The following RARB variants were observed in gnomAD, a reference collection of about 807,000 sequenced individuals.
The protein encoded by RARB is HBV-activated protein.
A neutral mutation model predicts 51.9 loss-of-function variants in RARB; 17 were observed. That is an observed-to-expected ratio of 0.33 (90% CI 0.22 to 0.49). The LOEUF is 0.49. Among genes scored for constraint, RARB ranks in the 20% least tolerant of loss-of-function variants. The pLI, the probability that RARB is intolerant of heterozygous loss-of-function variation, is 0.99. For missense variants in RARB, 369 were observed against 550.8 expected (o/e 0.67, Z 3.30); for synonymous variants, 215 against 195.4 (o/e 1.10, Z -0.84).
At chr3:25,222,359 C>T (rs933927845) in intron 5 of RARB, among the ~76,000 whole-genome samples, 2 of 152,116 alleles carry the variant, frequency 1.3e-5, no homozygotes, top group African/African-American at 2.4e-5. Context: ...TGTTCTTACT[C>T]GTCCAAGGAT....
intron 5 of RARB, among the ~76,000 whole-genome samples, chr3:25,199,259 C>T (rs1222352832): frequency 6.6e-6 from 1 of 151,302 alleles, no homozygotes; most frequent in African/African-American, 2.4e-5. Flanking sequence ...CAATTGAACT[C>T]ATGGAGAAAG....
intron 5 of RARB, among the ~76,000 whole-genome samples, chr3:25,266,938 C>G (rs1021307975): frequency 6.6e-6 from 1 of 152,162 alleles, no homozygotes; most frequent in African/African-American, 2.4e-5. Context: ...CCAGGCTATG[C>G]TATCTTGATG....
In RARB at chr3:25,499,423, G is replaced by C. The variant is rs571991953; in HGVS notation, c.307-1759G>C. Reference sequence around the variant, plus strand: ...GTTTTTCTTGGGCATTCAGAAGAGAGAAAAGGCAGCAGGTATACCCTTCAT... The same window carrying C: ...GTTTTTCTTGGGCATTCAGAAGAGACAAAAGGCAGCAGGTATACCCTTCAT... On this transcript the variant is annotated intron_variant, in intron 2 of 7. Transcript: ENST00000330688. Among the ~76,000 whole-genome samples, 4 of 152,296 alleles carry C rather than the reference G, an allele frequency of 2.6e-5. No homozygotes were observed. In the Middle Eastern group the frequency reaches 0.014, roughly 518 times the overall value.
At chr3:25,578,750 TAC>T (rs1480403951) in intron 4 of RARB, among the ~76,000 whole-genome samples, 3 of 152,244 alleles carry the variant, frequency 2.0e-5, no homozygotes, top group Non-Finnish European at 2.9e-5. Flanking sequence ...CCTTCGTTTT[TAC>T]AGTGTCTGTG....
intron 3 of RARB, among the ~76,000 whole-genome samples, chr3:25,517,494 C>A (rs1462051197): frequency 6.6e-6 from 1 of 152,132 alleles, no homozygotes; most frequent in Non-Finnish European, 1.5e-5. Flanking sequence ...CGAGCAATAA[C>A]AAATGTTAGG....
chr3:25,000,042 A>G (rs558609988), intron 2 of RARB, among the ~76,000 whole-genome samples: 15 of 152,258 alleles, frequency 9.9e-5, no homozygotes, highest in Middle Eastern at 3.4e-3. Flanking sequence ...AGGGTCACAT[A>G]CCAGTTCAGT....
At chr3:25,592,491 T>C (rs945367422) in intron 5 of RARB, among the ~76,000 whole-genome samples, 1 of 152,232 alleles carries the variant, frequency 6.6e-6, no homozygotes, top group African/African-American at 2.4e-5. Context: ...GGAAGTGCTC[T>C]GCAATGCACG....
intron 5 of RARB, among the ~76,000 whole-genome samples, chr3:25,593,165 CTTTT>C (rs200612408): frequency 3.6e-4 from 52 of 145,064 alleles, no homozygotes; most frequent in Middle Eastern, 3.6e-3. Flanking sequence ...TCTTATTCAT[CTTTT>C]TTTTTTTTTA....
At chr3:24,970,613 C>T (rs956627028) in intron 2 of RARB, among the ~76,000 whole-genome samples, 1 of 120,118 alleles carries the variant, frequency 8.3e-6, no homozygotes, top group Non-Finnish European at 2.0e-5. Flanking sequence ...ACAAACACAC[C>T]CCCTCTGCTA....
chr3:25,332,838 C>A (rs1033210134), intron 5 of RARB, among the ~76,000 whole-genome samples: 2 of 152,172 alleles, frequency 1.3e-5, no homozygotes, highest in Non-Finnish European at 2.9e-5. Flanking sequence ...TCTCAGGATA[C>A]AAAATCAACG....
Position 24,915,547 on chromosome 3 carries a change from C to G in RARB, c.-380+56795C>G, listed in dbSNP as rs148366411. 1.0e-3 allele frequency among the ~76,000 whole-genome samples: 155 copies of G among 152,274 alleles called. 1 individual carries two copies. The highest frequency in any genetic ancestry group is 3.5e-3 in the African/African-American group (147 of 41,542). ...GCTCATAAATTGCTAGGAAATCATG[C>G]CTGATCCATTGGAGAAATTTTGAAC... On this transcript the variant is annotated intron_variant, in intron 2 of 11. Transcript: ENST00000383772.
In RARB at chr3:25,480,635, T is replaced by C. The variant is rs115735424; in HGVS notation, c.306+19294T>C. ...TTTTAGTTGTGTTTAGATAAAAAGATACCTGATCATTTTCTTCAGAAATCA... is the reference window on the plus strand; with the variant it reads ...TTTTAGTTGTGTTTAGATAAAAAGACACCTGATCATTTTCTTCAGAAATCA... On this transcript the variant is annotated intron_variant, in intron 2 of 7. Transcript: ENST00000330688. Among the ~76,000 whole-genome samples, 238 of 152,342 alleles carry C rather than the reference T, an allele frequency of 1.6e-3. 1 individual carries two copies. The highest frequency in any genetic ancestry group is 5.3e-3 in the African/African-American group (220 of 41,578).
chr3:25,102,364 A>C (rs1699419461), intron 3 of RARB, among the ~76,000 whole-genome samples: 1 of 151,962 alleles, frequency 6.6e-6, no homozygotes, highest in African/African-American at 2.4e-5. Context: ...AACATGGTGC[A>C]ACCCTGTCTC....
intron 1 of RARB, among the ~76,000 whole-genome samples, chr3:24,830,538 G>T (rs767984152): frequency 2.7e-5 from 4 of 150,798 alleles, no homozygotes; most frequent in African/African-American, 7.3e-5. Flanking sequence ...CTCTCAGCGC[G>T]GGGTGAGTTT....
At chr3:25,590,082 G>A (rs1014452002) in intron 5 of RARB, among the ~76,000 whole-genome samples, 1 of 152,168 alleles carries the variant, frequency 6.6e-6, no homozygotes, top group Non-Finnish European at 1.5e-5. Flanking sequence ...GATAAAAGAA[G>A]ACATTGAGCA....
chr3:24,930,499 G>C (rs923313220), intron 2 of RARB, among the ~76,000 whole-genome samples: 4 of 152,046 alleles, frequency 2.6e-5, no homozygotes, highest in Non-Finnish European at 5.9e-5. Flanking sequence ...AATCTTGCTT[G>C]GTTGTAAATT....
At chr3:25,181,500 G>A (rs1700860532) in intron 5 of RARB, among the ~76,000 whole-genome samples, 1 of 152,100 alleles carries the variant, frequency 6.6e-6, no homozygotes, top group Non-Finnish European at 1.5e-5. Context: ...CATGCTCATT[G>A]GGAGCGCTGT....
chr3:25,579,169 A>G (rs180974873), intron 4 of RARB, among the ~76,000 whole-genome samples: 1 of 152,236 alleles, frequency 6.6e-6, no homozygotes, highest in Non-Finnish European at 1.5e-5. Context: ...TAAGGTTTAC[A>G]CCATGCAATT....
At chr3:25,376,451 C>G (rs1344930836) in intron 5 of RARB, among the ~76,000 whole-genome samples, 3 of 152,204 alleles carry the variant, frequency 2.0e-5, no homozygotes, top group Non-Finnish European at 2.9e-5. Flanking sequence ...GCCCCAGATA[C>G]AACCTTGTCT....
Sources: gnomAD v4.1 joint callset for allele counts (sites outside exome capture counted in the v4.1 genomes callset) on GRCh38, gnomAD v4.1.1 for gene constraint, MANE v1.5 for transcripts, NCBI Gene and HGNC (gene_info 2026-07-23, HGNC 2026-07-21) for gene names.